GALNT13: variants seen among roughly 807,000 people sequenced by gnomAD.
GALNT13 encodes the protein polypeptide N-acetylgalactosaminyltransferase 13.
Under a neutral mutation model 64.2 loss-of-function variants are expected in GALNT13, and 28 were observed. The ratio of observed to expected loss-of-function variants is 0.44; its 90% confidence interval spans 0.32 to 0.60. GALNT13 has a LOEUF of 0.60. GALNT13 is among the 20% of genes least tolerant of loss of function. The probability of loss-of-function intolerance (pLI) is 0.05; values close to 1 mark genes in which losing one functional copy is unlikely to be tolerated. For synonymous variants in GALNT13, 214 were observed against 224.6 expected, an observed-to-expected ratio of 0.95 and a Z score of 0.42; for missense variants, 577 against 669.8, an observed-to-expected ratio of 0.86 and a Z score of 1.53.
the GALNT13 span, among the ~76,000 whole-genome samples, chr2:153,780,133 A>G: frequency 1.3e-5 from 2 of 151,036 alleles, no homozygotes; most frequent in South Asian, 2.1e-4. Flanking sequence ...ACAATGATCA[A>G]TTATATAATG....
the GALNT13 span, among the ~76,000 whole-genome samples, chr2:153,859,826 A>G: frequency 6.6e-6 from 1 of 152,186 alleles, no homozygotes; most frequent in Non-Finnish European, 1.5e-5. Context: ...AAGACTTTAC[A>G]AAGACTTGTA....
chr2:153,753,862 C>A, the GALNT13 span, among the ~76,000 whole-genome samples: 8 of 152,204 alleles, frequency 5.3e-5, no homozygotes, highest in African/African-American at 1.9e-4. Flanking sequence ...GGACTAGAGT[C>A]AAAAACCTTA....
At chr2:153,958,906 A>G (rs1314598619) in intron 3 of GALNT13, among the ~76,000 whole-genome samples, 2 of 152,174 alleles carry the variant, frequency 1.3e-5, no homozygotes, top group South Asian at 4.1e-4. Context: ...GGAGACACCA[A>G]AAACAAAAAT....
chr2:153,395,690 T>C, the GALNT13 span, among the ~76,000 whole-genome samples: 1 of 152,140 alleles, frequency 6.6e-6, no homozygotes, highest in Non-Finnish European at 1.5e-5. Context: ...GAAATGTTTG[T>C]CTTAGTTGAA....
At chr2:153,670,379 A>G in the GALNT13 span, among the ~76,000 whole-genome samples, 1 of 152,222 alleles carries the variant, frequency 6.6e-6, no homozygotes, top group Non-Finnish European at 1.5e-5. Context: ...GCTGTTCTGC[A>G]GCCTCCGCTG....
the GALNT13 span, among the ~76,000 whole-genome samples, chr2:153,437,356 G>A: frequency 2.6e-5 from 4 of 152,256 alleles, no homozygotes; most frequent in Admixed American, 2.6e-4. Flanking sequence ...TTGGTGCAGA[G>A]CTGAGTTCAA....
intron 8 of GALNT13, chr2:154,287,155 G>A (rs1258989832): frequency 8.8e-6 from 13 of 1,475,526 alleles, no homozygotes; most frequent in Admixed American, 3.4e-5. Context: ...TCACAGAAGC[G>A]GTGGAAGCCA....
the GALNT13 span, among the ~76,000 whole-genome samples, chr2:153,822,717 G>C: frequency 6.6e-6 from 1 of 152,034 alleles, no homozygotes; most frequent in Non-Finnish European, 1.5e-5. Context: ...ACTGGAACAA[G>C]ACAAGAATAC....
chr2:153,572,422 T>C, the GALNT13 span, among the ~76,000 whole-genome samples: 1 of 151,780 alleles, frequency 6.6e-6, no homozygotes, highest in South Asian at 2.1e-4. Flanking sequence ...TATCGATCTT[T>C]TGTACTTTCA....
chr2:153,991,556 A>T (rs540666952), intron 3 of GALNT13, among the ~76,000 whole-genome samples: 6 of 152,054 alleles, frequency 3.9e-5, no homozygotes, highest in Non-Finnish European at 5.9e-5. Context: ...TATATAATGA[A>T]CCATCATTAG....
intron 8 of GALNT13, among the ~76,000 whole-genome samples, chr2:154,294,910 A>G (rs1272419439): frequency 3.3e-5 from 5 of 152,186 alleles, no homozygotes; most frequent in Non-Finnish European, 5.9e-5. Flanking sequence ...TTATGGCTAT[A>G]CTTCAGGGTA....
chr2:153,312,004 T>C, the GALNT13 span, among the ~76,000 whole-genome samples: 6 of 152,256 alleles, frequency 3.9e-5, no homozygotes, highest in South Asian at 1.2e-3. Context: ...GTGTATCATT[T>C]GAATTTTTTA....
chr2:153,604,874 C>G, the GALNT13 span, among the ~76,000 whole-genome samples: 1 of 152,000 alleles, frequency 6.6e-6, no homozygotes, highest in Non-Finnish European at 1.5e-5. Flanking sequence ...ACAAGAAACA[C>G]ATAATTCTCA....
At chr2:153,109,215 G>A in the GALNT13 span, among the ~76,000 whole-genome samples, 2 of 152,028 alleles carry the variant, frequency 1.3e-5, no homozygotes, top group Admixed American at 6.6e-5. Context: ...ACTGAAACTC[G>A]AAAAGCAGAC....
the GALNT13 span, among the ~76,000 whole-genome samples, chr2:153,861,121 A>T: frequency 6.6e-6 from 1 of 152,212 alleles, no homozygotes; most frequent in African/African-American, 2.4e-5. Flanking sequence ...AAATGACAGC[A>T]GTGACTTTTA....
chr2:154,400,362 A>ACAATTTC (rs1336837918), intron 10 of GALNT13, among the ~76,000 whole-genome samples: 1 of 152,190 alleles, frequency 6.6e-6, no homozygotes, highest in African/African-American at 2.4e-5. Flanking sequence ...ATTTGAAATG[A>ACAATTTC]AATTGGGTGG....
the GALNT13 span, among the ~76,000 whole-genome samples, chr2:153,345,680 TTTCTTTC>T: frequency 6.9e-6 from 1 of 145,098 alleles, no homozygotes; most frequent in African/African-American, 2.6e-5. Flanking sequence ...TCTTTCTTTC[TTTCTTTC>T]TTTCTTTCTT....
At chr2:153,389,534 A>G in the GALNT13 span, among the ~76,000 whole-genome samples, 1 of 152,100 alleles carries the variant, frequency 6.6e-6, no homozygotes. Context: ...ACCCCATTAC[A>G]CACACTGATA....
chr2:153,148,216 G>A, the GALNT13 span, among the ~76,000 whole-genome samples: 1 of 151,796 alleles, frequency 6.6e-6, no homozygotes, highest in Non-Finnish European at 1.5e-5. Context: ...CTCCTTTGTG[G>A]GTGTTGAATG....
Sources: gnomAD v4.1 joint callset for allele counts (sites outside exome capture counted in the v4.1 genomes callset) on GRCh38, gnomAD v4.1.1 for gene constraint, MANE v1.5 for transcripts, NCBI Gene and HGNC (gene_info 2026-07-23, HGNC 2026-07-21) for gene names.